The following CPLX3 variants were observed in gnomAD, a reference collection of about 807,000 sequenced individuals.
The protein encoded by CPLX3 is complexin 3.
CPLX3 carries 12 observed loss-of-function variants against 17.2 expected under a neutral mutation model. The observed-to-expected ratio is 0.70, with a 90% CI of 0.45 to 1.13. CPLX3 has a LOEUF of 1.13. Ranked by LOEUF, CPLX3 falls within the 50% of genes most tolerant of loss-of-function variation. The pLI is 0.00. For missense variants in CPLX3, 172 were observed against 203.2 expected, an observed-to-expected ratio of 0.85 and a Z score of 0.93; for synonymous variants, 75 against 79.4, an observed-to-expected ratio of 0.94 and a Z score of 0.29.
intron 1 of CPLX3, among the ~76,000 whole-genome samples, 183 bp from the exon 2 acceptor site, chr15:74,827,851 C>T (rs2063950568): frequency 6.6e-6 from 1 of 152,244 alleles, no homozygotes; most frequent in African/African-American, 2.4e-5. Flanking sequence ...GCAGAGACGA[C>T]AAAGGGCACT....
chr15:74,830,133 G>A lies in CPLX3; in HGVS notation c.256G>A (p.Glu86Lys), dbSNP rs557888970. ...FRDKYRLPKNETDESQIQMAG... is the reference protein window; with the variant it reads ...FRDKYRLPKNKTDESQIQMAG... The stretch of plus-strand genomic sequence containing the variant: ...CCTCTTCCCCTCTTCCCTTCAGAAC[G>A]AGACAGATGAGAGCCAGATCCAGAT... The change falls in exon 3 of 3, where the codon GAG (glutamate) becomes AAG (lysine). Residue 86 changes from glutamate (E) to lysine (K), a missense_variant. Transcript: ENST00000395018. 74 of 1,613,338 alleles carry A rather than the reference G, an allele frequency of 4.6e-5. 1 individual carries two copies. Among genetic ancestry groups the A allele is most frequent in the Non-Finnish European group, 5.6e-5 (66 of 1,179,812 alleles).
chr15:74,827,870 C>G (rs3935077), intron 1 of CPLX3, among the ~76,000 whole-genome samples, 164 bp from the exon 2 acceptor site: 99,949 of 152,076 alleles, frequency 0.66, 33,230 homozygotes, highest in Non-Finnish European at 0.71. Context: ...CTGTGATGGG[C>G]AGAGGCAGCA....
chr15:74,827,849 G>A (rs1452489551), intron 1 of CPLX3, among the ~76,000 whole-genome samples, 185 bp from the exon 2 acceptor site: 2 of 152,192 alleles, frequency 1.3e-5, no homozygotes, highest in Non-Finnish European at 1.5e-5. Context: ...TGGCAGAGAC[G>A]ACAAAGGGCA....
chr15:74,827,206 C>G (rs1400256475), intron 1 of CPLX3, among the ~76,000 whole-genome samples: 2 of 152,212 alleles, frequency 1.3e-5, no homozygotes, highest in Non-Finnish European at 2.9e-5. Flanking sequence ...TGTCTTCCAA[C>G]TGGGGCTCCT....
At chr15:74,828,358 T>C (rs1213708265) in intron 2 of CPLX3, among the ~76,000 whole-genome samples, 5 of 152,068 alleles carry the variant, frequency 3.3e-5, no homozygotes, top group Non-Finnish European at 7.4e-5. Flanking sequence ...GACTGACAGG[T>C]CTGTATTTCT....
At chr15:74,829,643 T>C (rs1325880091) in intron 2 of CPLX3, among the ~76,000 whole-genome samples, 5 of 152,226 alleles carry the variant, frequency 3.3e-5, no homozygotes, top group Admixed American at 2.6e-4. Context: ...TACCCATCAC[T>C]ATTTTTGGTT....
Position 74,830,364 on chromosome 15 carries a change from C to A in CPLX3, c.*10C>A. Reference sequence around the variant, plus strand: ...GTGTCACGTCATGTGACCACTTCCCCGGGGTTACCCACTGGGCTGGGCCCC... The same window carrying A: ...GTGTCACGTCATGTGACCACTTCCCAGGGGTTACCCACTGGGCTGGGCCCC... On this transcript the variant is annotated 3_prime_UTR_variant, in exon 3 of 3. Coordinates refer to ENST00000395018, the MANE Select transcript of CPLX3 (RefSeq NM_001030005.3). 1 of 1,604,770 alleles carries A rather than the reference C, an allele frequency of 6.2e-7. No homozygotes were observed. Among genetic ancestry groups the A allele is most frequent in the South Asian group, 1.1e-5 (1 of 90,308 alleles).
rs765298358 is a variant in CPLX3, at chr15:74,828,037, G to T, written c.168G>T (p.Met56Ile). 38 of 1,605,464 alleles carry T rather than the reference G, an allele frequency of 2.4e-5. No homozygotes were observed. Among genetic ancestry groups the T allele is most frequent in the Non-Finnish European group, 3.1e-5 (37 of 1,175,908 alleles). The change falls in exon 2 of 3, where the codon ATG (methionine) becomes ATT (isoleucine). Residue 56 changes from methionine to isoleucine, a missense_variant. By Grantham distance (10) the Met-to-Ile change is conservative. Coordinates refer to ENST00000395018, the MANE Select transcript of CPLX3 (RefSeq NM_001030005.3). ...EYQKQLVEEKMERDAQFTQRK... is the reference protein window; with the variant it reads ...EYQKQLVEEKIERDAQFTQRK... ...TCTGCCTCCGGTGACCCTGCAGGAT[G>T]GAGCGGGATGCACAGTTCACACAGA...
intron 1 of CPLX3, among the ~76,000 whole-genome samples, chr15:74,827,159 C>T (rs1421700327): frequency 6.6e-6 from 1 of 152,178 alleles, no homozygotes; most frequent in African/African-American, 2.4e-5. Context: ...TCTGACGAAA[C>T]GATAATCCCT....
rs112263788 is a variant in CPLX3 at position 74,826,640 on chromosome 15, G to A, written c.-64G>A. The A allele has an allele frequency of 5.0e-5, 78 of 1,544,934 alleles. No individual in the cohort carries two copies. In the African/African-American group the frequency reaches 8.3e-4, roughly 17 times the overall value. On this transcript the variant is annotated 5_prime_UTR_variant, in exon 1 of 3. Transcript: ENST00000395018. This position sits in a 1 kb window ranked among gnomAD's most constrained non-coding sequence, Gnocchi z 5.0. ...TCCGCGAAACCTAGTGCTGAAGTAGGCGCGGACGTGCCCGGTGCCTGGCGC... is the reference window on the plus strand; with the variant it reads ...TCCGCGAAACCTAGTGCTGAAGTAGACGCGGACGTGCCCGGTGCCTGGCGC...
intron 2 of CPLX3, 70 bp from the exon 3 acceptor site, chr15:74,830,060 C>A: frequency 1.6e-6 from 2 of 1,216,172 alleles, no homozygotes; most frequent in Non-Finnish European, 2.4e-6. Flanking sequence ...AGCCTCCTCC[C>A]TGTCCTCTCA....
In CPLX3 at chr15:74,830,128, A is replaced by G; in HGVS notation, c.253-2A>G. On this transcript the variant is annotated splice_acceptor_variant, in intron 2 of 2. Coordinates refer to ENST00000395018, the MANE Select transcript of CPLX3 (RefSeq NM_001030005.3). LOFTEE classifies it high-confidence loss of function. ...CACCCCCTCTTCCCCTCTTCCCTTC[A>G]GAACGAGACAGATGAGAGCCAGATC... 1.9e-6 allele frequency: 3 copies of G among 1,613,326 alleles called. No homozygotes were observed. Among genetic ancestry groups the G allele is most frequent in the East Asian group, 2.2e-5 (1 of 44,880 alleles).
intron 2 of CPLX3, among the ~76,000 whole-genome samples, chr15:74,828,749 G>A (rs1198559439): frequency 6.6e-6 from 1 of 152,136 alleles, no homozygotes; most frequent in East Asian, 1.9e-4. Flanking sequence ...TTTGCTCCAG[G>A]GCCCCAGGCT....
In CPLX3 at chr15:74,830,247, G is replaced by A. The variant is rs768915432; in HGVS notation, c.370G>A (p.Gly124Arg). The A allele has an allele frequency of 1.3e-5, 21 of 1,613,950 alleles. No individual in the cohort carries two copies. Among genetic ancestry groups the A allele is most frequent in the Middle Eastern group, 1.7e-4 (1 of 5,858 alleles). ...GGAGGAGGAGAAGGCCTCAGTCCTT[G>A]GGCAGCTGGCCAGCCTTCCTGGCTT... ...EEEEEKASVLGQLASLPGLNL... is the reference protein window; with the variant it reads ...EEEEEKASVLRQLASLPGLNL... Residue 124 changes from glycine (G) to arginine (R), a missense_variant, in exon 3 of 3, where the codon GGG becomes AGG. Physicochemically the swap from Gly to Arg is moderately radical, Grantham distance 125 (BLOSUM62 -2). Transcript: ENST00000395018.
chr15:74,828,646 G>A (rs745705964), intron 2 of CPLX3, among the ~76,000 whole-genome samples: 8 of 152,176 alleles, frequency 5.3e-5, no homozygotes, highest in Non-Finnish European at 1.0e-4. Flanking sequence ...ATGAAACTGA[G>A]GCTAAGAGAA....
At position 74,830,679 on chromosome 15, in the gene CPLX3, G is replaced by A. The variant is rs916060666; in HGVS notation, c.*325G>A. ...AGCACCCACAGAGAGACACACACAG[G>A]ACACAAAACCCCTGGCACGTTCAGA... On this transcript the variant is annotated 3_prime_UTR_variant, in exon 3 of 3. Coordinates refer to ENST00000395018, the MANE Select transcript of CPLX3 (RefSeq NM_001030005.3). 4.7e-5 allele frequency: 13 copies of A among 275,208 alleles called. No individual in the cohort carries two copies. The highest frequency in any genetic ancestry group is 7.7e-5 in the Non-Finnish European group (11 of 142,448). 17.0% of individuals were successfully genotyped at this position (275,208 alleles called of 1,614,324 possible).
chr15:74,827,933 A>C, intron 1 of CPLX3, 101 bp from the exon 2 acceptor site: 4 of 911,292 alleles, frequency 4.4e-6, no homozygotes, highest in African/African-American at 1.6e-5. Context: ...GGACCAATGC[A>C]GCAGCTGCTA....
intron 2 of CPLX3, among the ~76,000 whole-genome samples, chr15:74,828,871 G>A (rs1379407921): frequency 6.6e-6 from 1 of 152,136 alleles, no homozygotes; most frequent in African/African-American, 2.4e-5. Flanking sequence ...CCTGGGCAGT[G>A]CACCACCAGA....
chr15:74,827,819 G>A (rs1055563878), intron 1 of CPLX3, among the ~76,000 whole-genome samples: 1 of 152,188 alleles, frequency 6.6e-6, no homozygotes, highest in African/African-American at 2.4e-5. Flanking sequence ...CTGCCACCCT[G>A]GTTCCCTAGT....
Sources: allele counts gnomAD v4.1 joint callset (sites outside exome capture counted in the v4.1 genomes callset), GRCh38; gene constraint gnomAD v4.1.1; non-coding constraint Gnocchi (gnomAD v3.1); transcripts MANE v1.5; gene names NCBI Gene and HGNC (gene_info 2026-07-23, HGNC 2026-07-21).